Variants in VPS35 observed in about 807,000 individuals in gnomAD.
The protein encoded by VPS35 is VPS35 retromer complex component, also known as vacuolar protein sorting-associated protein 35.
In VPS35, 21 loss-of-function variants were observed where a neutral mutation model predicts 98.1. The observed-to-expected ratio is 0.21, with a 90% CI of 0.15 to 0.31. The LOEUF is 0.31. VPS35 is among the 10% of genes least tolerant of loss of function. VPS35 has a pLI of 1.00. For synonymous variants in VPS35, 268 were observed against 318.2 expected (o/e 0.84, Z 1.68); for missense variants, 554 against 950.8 (o/e 0.58, Z 5.49).
chr16:46,668,620 C>T (rs983902124), intron 13 of VPS35, among the ~76,000 whole-genome samples: 1 of 152,158 alleles, frequency 6.6e-6, no homozygotes, highest in Non-Finnish European at 1.5e-5. Flanking sequence ...ATGCTAGGCC[C>T]TCTCCTTAGG....
rs371991621 is a variant in VPS35 at position 46,672,256 on chromosome 16, T to C, written c.1368+9A>G. 1.1e-5 allele frequency: 18 copies of C among 1,611,390 alleles called. No individual in the cohort carries two copies. The highest frequency in any genetic ancestry group is 2.7e-5 in the African/African-American group (2 of 74,892). On this transcript the variant is annotated intron_variant, in intron 11 of 16. Transcript: ENST00000299138. The stretch of plus-strand genomic sequence containing the variant: ...GTTTCCCTAAAATAGCACGTAGGTA[T>C]TCTCTTACCTGGTCTTGAGAGACAA...
At position 46,662,417 on chromosome 16, in the gene VPS35, G is replaced by A. The variant is rs1183192271; in HGVS notation, c.1893C>T (p.Ile631=). 20 of 1,614,086 alleles carry A rather than the reference G, an allele frequency of 1.2e-5. No homozygotes were observed. Among genetic ancestry groups the A allele is most frequent in the Admixed American group, 1.7e-5 (1 of 60,006 alleles). The change falls in exon 15 of 17, where the codon ATC becomes ATT. Residue 631 remains isoleucine (I), a synonymous_variant. Coordinates refer to ENST00000299138, the MANE Select transcript of VPS35 (RefSeq NM_018206.6). ...SKAQLAAITL[I]IGTFERMKCF... ...ACTTCATCCTTTCAAAAGTGCCAAT[G>A]ATCAAGGTGATGGCAGCTAGCTGTG...
intron 13 of VPS35, among the ~76,000 whole-genome samples, chr16:46,667,700 G>A (rs1966009983): frequency 6.6e-6 from 1 of 151,938 alleles, no homozygotes; most frequent in Non-Finnish European, 1.5e-5. Flanking sequence ...ATTATATATG[G>A]CATAAGATGA....
At chr16:46,689,064 G>T (rs1481122407) in intron 1 of VPS35, 67 bp downstream of exon 1, 1 of 1,584,752 alleles carries the variant, frequency 6.3e-7, no homozygotes, top group East Asian at 2.3e-5. Context: ...TGGAGTGCGG[G>T]GCGGTGGGAG....
At chr16:46,684,605 ACTT>A (rs1458433290) in intron 1 of VPS35, among the ~76,000 whole-genome samples, 1 of 152,142 alleles carries the variant, frequency 6.6e-6, no homozygotes, top group Non-Finnish European at 1.5e-5. Context: ...AGAATTAACC[ACTT>A]CTTCAAGTCA....
intron 3 of VPS35, 75 bp downstream of exon 3, chr16:46,682,003 TA>T: frequency 8.5e-7 from 1 of 1,176,008 alleles, no homozygotes; most frequent in South Asian, 1.3e-5. Flanking sequence ...AAAAACTTCA[TA>T]AAGAACAAAC....
In VPS35 at chr16:46,680,839, G is replaced by A. The variant is rs1352539649; in HGVS notation, c.338C>T (p.Thr113Ile). Residue 113 changes from threonine (T) to isoleucine (I), a missense_variant, in exon 5 of 17, where the codon ACA becomes ATA. Thr to Ile is a moderately conservative substitution (Grantham distance 89, BLOSUM62 -1). Coordinates refer to ENST00000299138, the MANE Select transcript of VPS35 (RefSeq NM_018206.6). ...TGACTTGACATATACAACTCCAACTGTGATCAAAAGGTAACTAGGAAAATT... is the reference window on the plus strand; with the variant it reads ...TGACTTGACATATACAACTCCAACTATGATCAAAAGGTAACTAGGAAAATT... ...NIIPRLYLLITVGVVYVKSFP... is the reference protein window; with the variant it reads ...NIIPRLYLLIIVGVVYVKSFP... 4 of 1,613,810 alleles carry A rather than the reference G, an allele frequency of 2.5e-6. No individual in the cohort carries two copies. Among genetic ancestry groups the A allele is most frequent in the South Asian group, 1.1e-5 (1 of 91,068 alleles).
chr16:46,674,448 C>T lies in VPS35; in HGVS notation c.1026G>A (p.Met342Ile). The change falls in exon 10 of 17, where the codon ATG becomes ATA. Residue 342 changes from methionine to isoleucine, a missense_variant. Physicochemically the swap from Met to Ile is conservative, Grantham distance 10. This residue lies in a region of VPS35 where 254 missense variants were observed against 390.1 expected (regional missense o/e 0.65). Coordinates refer to ENST00000299138, the MANE Select transcript of VPS35 (RefSeq NM_018206.6). ...VATVIQSRQD[M>I]PSEDVVSLQV... ...GTAAAGATACAACATCCTCTGAAGG[C>T]ATGTCTTGTCTAGACTGGAATGTTT... 1 of 1,612,904 alleles carries T rather than the reference C, an allele frequency of 6.2e-7. No homozygotes were observed. Among genetic ancestry groups the T allele is most frequent in the South Asian group, 1.1e-5 (1 of 90,944 alleles).
chr16:46,658,938 GA>G lies in VPS35; in HGVS notation c.*1533del, dbSNP rs1965868743. The G allele has an allele frequency of 6.6e-6, 1 of 152,180 alleles. No homozygotes were observed. The highest frequency in any genetic ancestry group is 6.5e-5 in the Admixed American group (1 of 15,270). The allele number at this position is 152,180 out of a possible 1,614,324, so 9.4% of individuals were successfully genotyped here. On this transcript the variant is annotated 3_prime_UTR_variant, in exon 17 of 17. Coordinates refer to ENST00000299138, the MANE Select transcript of VPS35 (RefSeq NM_018206.6). ...GTGGAGCTTAATTCTCCTTACCCTT[GA>G]ATATAGGCTAGACTTAGTGACTCCC...
At chr16:46,670,212 G>A (rs750958532) in intron 12 of VPS35, among the ~76,000 whole-genome samples, 5 of 152,158 alleles carry the variant, frequency 3.3e-5, no homozygotes, top group Non-Finnish European at 5.9e-5. Flanking sequence ...ATTTCCCCTA[G>A]GGGCAGTCAG....
Position 46,660,272 on chromosome 16 carries a change from C to A in VPS35, c.*200G>T. 1 of 360,004 alleles carries A rather than the reference C, an allele frequency of 2.8e-6. No homozygotes were observed. The highest frequency in any genetic ancestry group is 4.7e-5 in the Admixed American group (1 of 21,428). The allele number at this position is 360,004 out of a possible 1,614,324, so 22.3% of individuals were successfully genotyped here. On this transcript the variant is annotated 3_prime_UTR_variant, in exon 17 of 17. Transcript: ENST00000299138. Reference sequence around the variant, plus strand: ...ATGCTACTTGGGGTGATCAGAAAGACTTGAACACTTACCAAGTGAATAATT... The same window carrying A: ...ATGCTACTTGGGGTGATCAGAAAGAATTGAACACTTACCAAGTGAATAATT...
intron 13 of VPS35, among the ~76,000 whole-genome samples, chr16:46,668,557 T>A (rs1966022310): frequency 6.6e-6 from 1 of 152,178 alleles, no homozygotes; most frequent in Non-Finnish European, 1.5e-5. Context: ...TCATAAAAAG[T>A]TGCCCACAAC....
rs762053892 is a variant in VPS35, at chr16:46,689,175, G to C, written c.-42C>G. ...CTGCAGCAAGCAGCACCCGCCCCGC[G>C]CGTAGCCTCCCGCGGTCATGTGACG... On this transcript the variant is annotated 5_prime_UTR_variant, in exon 1 of 17. Transcript: ENST00000299138. The C allele has an allele frequency of 1.2e-6, 2 of 1,601,268 alleles. No individual in the cohort carries two copies. The highest frequency in any genetic ancestry group is 1.3e-5 in the African/African-American group (1 of 74,894).
chr16:46,678,421 G>C (rs911889170), intron 6 of VPS35, among the ~76,000 whole-genome samples: 8 of 151,452 alleles, frequency 5.3e-5, no homozygotes, highest in African/African-American at 1.5e-4. Flanking sequence ...CAAGCTTGTT[G>C]TACAGCACAT....
rs373624141 is a variant in VPS35, at chr16:46,688,408, C to T, written c.3+723G>A. The T allele has an allele frequency of 5.1e-6, 5 of 987,058 alleles. No individual in the cohort carries two copies. In the South Asian group the frequency reaches 1.4e-4, roughly 28 times the overall value. 61.1% of individuals were successfully genotyped at this position (987,058 alleles called of 1,614,324 possible). A position where few individuals can be genotyped will look rare whatever the true frequency, so the allele number is the denominator to read the frequency against. On this transcript the variant is annotated intron_variant, in intron 1 of 16. Transcript: ENST00000299138. Reference sequence around the variant, plus strand: ...ACGATTTGCTGCCGTCATAGACGGGCCCTAAGGAGAAGTACTGCTTCCAGC... The same window carrying T: ...ACGATTTGCTGCCGTCATAGACGGGTCCTAAGGAGAAGTACTGCTTCCAGC...
chr16:46,679,943 A>G (rs541249570), intron 5 of VPS35, among the ~76,000 whole-genome samples: 1 of 152,182 alleles, frequency 6.6e-6, no homozygotes, highest in African/African-American at 2.4e-5. Flanking sequence ...GAAAATATTA[A>G]AAAGAAAAAA....
At chr16:46,681,873 A>C in intron 3 of VPS35, 3 of 577,316 alleles carry the variant, frequency 5.2e-6, no homozygotes, top group South Asian at 4.1e-5. Context: ...CACCGACAAC[A>C]CATTTAAAGA....
intron 1 of VPS35, chr16:46,688,818 G>A (rs1966368967): frequency 7.3e-7 from 1 of 1,371,870 alleles, no homozygotes; most frequent in Non-Finnish European, 9.4e-7. Flanking sequence ...TGGTAGGCAG[G>A]TGACCGATTC....
At chr16:46,662,869 A>C (rs1411721958) in intron 14 of VPS35, 114 bp downstream of exon 14, 2 of 1,141,556 alleles carry the variant, frequency 1.8e-6, no homozygotes, top group South Asian at 2.6e-5. Flanking sequence ...GGAAGGTGGT[A>C]GTTACACATT....
Sources: gnomAD v4.1 joint callset for allele counts (sites outside exome capture counted in the v4.1 genomes callset) on GRCh38, gnomAD v4.1.1 for gene constraint, gnomAD v4.1.1 regional missense constraint, MANE v1.5 for transcripts, NCBI Gene and HGNC (gene_info 2026-07-23, HGNC 2026-07-21) for gene names.